Variants in BNC2 observed in about 807,000 individuals in gnomAD.
BNC2 encodes basonuclin zinc finger protein 2.
A neutral mutation model predicts 76.3 loss-of-function variants in BNC2; 20 were observed. The ratio of observed to expected loss-of-function variants is 0.26; its 90% CI spans 0.18 to 0.38. The LOEUF (loss-of-function observed/expected upper bound fraction) is 0.38, where lower values mean the gene tolerates loss of function less well. Ranked by LOEUF, BNC2 falls within the 10% of genes least tolerant of loss-of-function variation. BNC2 has a pLI of 1.00. For missense variants in BNC2, 1,382 were observed against 1,399.8 expected (o/e 0.99, Z 0.20); for synonymous variants, 582 against 514.8 (o/e 1.13, Z -1.77).
rs1820123797 is a variant in BNC2, at chr9:16,597,439, G to C, written c.331-14354C>G. Reference sequence around the variant, plus strand: ...ATTTCAACTTATCACTTTTACTAATGGGGAGAGTACAAACCCTGCAGGAAT... The same window carrying C: ...ATTTCAACTTATCACTTTTACTAATCGGGAGAGTACAAACCCTGCAGGAAT... On this transcript the variant is annotated intron_variant, in intron 3 of 6. Transcript: ENST00000380672. Among the ~76,000 whole-genome samples, 3 of 152,174 alleles carry C rather than the reference G, an allele frequency of 2.0e-5. No individual in the cohort carries two copies. In the East Asian group the frequency reaches 5.8e-4, roughly 29 times the overall value.
At chr9:16,760,044 C>T (rs1445605173) in intron 1 of BNC2, among the ~76,000 whole-genome samples, 1 of 152,106 alleles carries the variant, frequency 6.6e-6, no homozygotes, top group Non-Finnish European at 1.5e-5. Flanking sequence ...CTCTTACGAG[C>T]TAAGTATTTT....
chr9:16,621,474 A>G (rs1289757271), intron 3 of BNC2, among the ~76,000 whole-genome samples: 3 of 152,228 alleles, frequency 2.0e-5, no homozygotes, highest in Admixed American at 2.0e-4. Flanking sequence ...GCATTTGCCA[A>G]GGAATCAAAA....
intron 5 of BNC2, among the ~76,000 whole-genome samples, chr9:16,483,511 C>G (rs554934195): frequency 8.0e-4 from 122 of 152,200 alleles, no homozygotes; most frequent in African/African-American, 2.8e-3. Flanking sequence ...CAATAATTAG[C>G]AATGATTACA....
At position 16,617,413 on chromosome 9, in the gene BNC2, A is replaced by C. The variant is rs112300809; in HGVS notation, c.331-34328T>G. ...AAAGCGGAATATGAAAAGAATTATG[A>C]AAATGGCCCTATTTTTAGTTCAAAG... On this transcript the variant is annotated intron_variant, in intron 3 of 6. Transcript: ENST00000380672. Among the ~76,000 whole-genome samples, 95 of 152,248 alleles carry C rather than the reference A, an allele frequency of 6.2e-4. 1 individual carries two copies. Among genetic ancestry groups the C allele is most frequent in the African/African-American group, 1.7e-3 (70 of 41,546 alleles).
intron 3 of BNC2, among the ~76,000 whole-genome samples, chr9:16,691,916 T>C (rs894211735): frequency 5.3e-5 from 8 of 151,892 alleles, no homozygotes; most frequent in Admixed American, 3.3e-4. Flanking sequence ...GTTCAAGTGA[T>C]TCTCCTGCCT....
At chr9:16,725,928 T>C (rs185933354) in intron 3 of BNC2, among the ~76,000 whole-genome samples, 2 of 152,226 alleles carry the variant, frequency 1.3e-5, no homozygotes, top group East Asian at 3.9e-4. Context: ...ATTATCTCTA[T>C]CTGGTTTTAT....
At chr9:16,870,280 C>A (rs1281037535) in intron 1 of BNC2, among the ~76,000 whole-genome samples, 4 of 152,186 alleles carry the variant, frequency 2.6e-5, no homozygotes, top group Non-Finnish European at 2.9e-5. Flanking sequence ...ATCCCCCACT[C>A]CCCTCCACCT....
chr9:16,535,888 CAACT>C (rs1304966787), intron 5 of BNC2, among the ~76,000 whole-genome samples: 1 of 152,092 alleles, frequency 6.6e-6, no homozygotes, highest in Non-Finnish European at 1.5e-5. Context: ...AAGAACCCTA[CAACT>C]ATCTGCAGGT....
chr9:16,634,781 G>A (rs1351073122), intron 3 of BNC2, among the ~76,000 whole-genome samples: 4 of 152,078 alleles, frequency 2.6e-5, no homozygotes, highest in African/African-American at 4.8e-5. Context: ...GATTACAGGC[G>A]TGAACAACCG....
intron 5 of BNC2, among the ~76,000 whole-genome samples, chr9:16,497,142 G>A (rs1465603199): frequency 1.3e-5 from 2 of 152,334 alleles, no homozygotes; most frequent in East Asian, 3.9e-4. Flanking sequence ...TGGCCACTCT[G>A]GTAGCCTTTT....
At chr9:16,675,001 T>C (rs1249127329) in intron 3 of BNC2, among the ~76,000 whole-genome samples, 4 of 152,096 alleles carry the variant, frequency 2.6e-5, no homozygotes, top group Admixed American at 6.5e-5. Flanking sequence ...ACTAGAAAAG[T>C]AGAAGGGAAA....
chr9:16,522,029 G>C (rs763894096), intron 5 of BNC2, among the ~76,000 whole-genome samples: 1 of 152,120 alleles, frequency 6.6e-6, no homozygotes, highest in Admixed American at 6.5e-5. Flanking sequence ...GACTAGTAAT[G>C]CCCAGCACAT....
chr9:16,692,653 G>C (rs1012904147), intron 3 of BNC2, among the ~76,000 whole-genome samples: 9 of 152,174 alleles, frequency 5.9e-5, no homozygotes, highest in African/African-American at 2.2e-4. Context: ...GGAAAGGAAA[G>C]CAAGCCACAA....
intron 3 of BNC2, among the ~76,000 whole-genome samples, chr9:16,625,448 C>T (rs1238676145): frequency 2.0e-5 from 3 of 152,048 alleles, no homozygotes; most frequent in Non-Finnish European, 4.4e-5. Context: ...TAACATAAAC[C>T]TCAGCTCTTT....
At chr9:16,443,972 T>G (rs1029986309) in intron 5 of BNC2, among the ~76,000 whole-genome samples, 1 of 152,206 alleles carries the variant, frequency 6.6e-6, no homozygotes, top group African/African-American at 2.4e-5. Context: ...GAAAGTATAC[T>G]TCAATGAAGT....
intron 6 of BNC2, among the ~76,000 whole-genome samples, chr9:16,420,986 T>C (rs1466174693): frequency 6.6e-6 from 1 of 152,134 alleles, no homozygotes; most frequent in Non-Finnish European, 1.5e-5. Flanking sequence ...CTTGGAGAAG[T>C]AATTGTGATA....
intron 6 of BNC2, among the ~76,000 whole-genome samples, chr9:16,419,965 C>T (rs534342511): frequency 2.8e-4 from 43 of 152,220 alleles, no homozygotes; most frequent in African/African-American, 9.9e-4. Flanking sequence ...TACTATGTAG[C>T]AGCATCAGCT....
chr9:16,766,722 G>C (rs978006446), intron 1 of BNC2, among the ~76,000 whole-genome samples: 2 of 152,160 alleles, frequency 1.3e-5, no homozygotes, highest in Non-Finnish European at 2.9e-5. Context: ...TTACCTCTGG[G>C]CTACAGGTCC....
At chr9:16,495,713 G>A (rs1368714634) in intron 5 of BNC2, among the ~76,000 whole-genome samples, 1 of 152,136 alleles carries the variant, frequency 6.6e-6, no homozygotes, top group Non-Finnish European at 1.5e-5. Flanking sequence ...CTAGGGCCCA[G>A]TGGCTGGGGC....
Sources: allele counts gnomAD v4.1 joint callset (sites outside exome capture counted in the v4.1 genomes callset), GRCh38; gene constraint gnomAD v4.1.1; transcripts MANE v1.5; gene names NCBI Gene and HGNC (gene_info 2026-07-23, HGNC 2026-07-21).